The following BMP5 variants were observed in gnomAD, a reference collection of about 807,000 sequenced individuals.
BMP5 encodes bone morphogenetic protein 5.
BMP5 carries 23 observed loss-of-function variants against 46.6 expected under a neutral mutation model. The ratio of observed to expected loss-of-function variants is 0.49; its 90% CI spans 0.35 to 0.70. The LOEUF is 0.70. BMP5 is among the 30% of genes least tolerant of loss of function. The pLI is 0.00. For missense variants in BMP5, 545 were observed against 565.6 expected (o/e 0.96, Z 0.37); for synonymous variants, 204 against 191.9 (o/e 1.06, Z -0.52).
rs758180093 is a variant in BMP5, at chr6:55,819,702, T to C, written c.636A>G (p.Glu212=). Residue 212 remains glutamate (E), a synonymous_variant, in exon 2 of 7, where the codon GAA becomes GAG. Transcript: ENST00000370830. ...TTTGATATATGCTAATCTTAATTGT[T>C]TCATTTTCAAATCGGTTGTTGCTCC... ...KDRSNNRFEN[E]TIKISIYQII... is the part of the protein sequence containing the mutation. The C allele has an allele frequency of 9.3e-6, 15 of 1,613,666 alleles. No homozygotes were observed. The South Asian group carries it at 1.5e-4, about 17-fold the overall frequency.
At chr6:55,782,180 A>G (rs1408210132) in intron 3 of BMP5, among the ~76,000 whole-genome samples, 1 of 152,154 alleles carries the variant, frequency 6.6e-6, no homozygotes, top group African/African-American at 2.4e-5. Context: ...TGGATATGAT[A>G]ATCACTTTGA....
chr6:55,790,621 A>T lies in BMP5; in HGVS notation c.832+3658T>A, dbSNP rs75635777. 5.8e-3 allele frequency among the ~76,000 whole-genome samples: 885 copies of T among 152,308 alleles called. 7 individuals carry two copies. The highest frequency in any genetic ancestry group is 0.02 in the African/African-American group (823 of 41,564). ...TTGTTCTAGCCAATCCTGGACTGTTAAATTTTTCCAGAATATACCACGCCA... is the reference window on the plus strand; with the variant it reads ...TTGTTCTAGCCAATCCTGGACTGTTTAATTTTTCCAGAATATACCACGCCA... On this transcript the variant is annotated intron_variant, in intron 3 of 6. Transcript: ENST00000370830.
chr6:55,824,042 C>A (rs1016173522), intron 1 of BMP5, among the ~76,000 whole-genome samples: 1 of 151,786 alleles, frequency 6.6e-6, no homozygotes, highest in Admixed American at 6.6e-5. Flanking sequence ...CATACCCAAC[C>A]TTTTATTTAC....
intron 2 of BMP5, among the ~76,000 whole-genome samples, chr6:55,809,339 C>T (rs1417943633): frequency 1.3e-5 from 2 of 152,020 alleles, no homozygotes; most frequent in African/African-American, 4.8e-5. Flanking sequence ...TATGCAATTA[C>T]AAATGTAAAA....
At chr6:55,865,496 G>A in intron 1 of BMP5, 2 of 460,762 alleles carry the variant, frequency 4.3e-6, no homozygotes, top group South Asian at 3.1e-5. Flanking sequence ...TCCGTCTCAT[G>A]AAGGCTCTGA....
At chr6:55,784,435 T>C (rs1003321559) in intron 3 of BMP5, among the ~76,000 whole-genome samples, 1 of 151,800 alleles carries the variant, frequency 6.6e-6, no homozygotes, top group Non-Finnish European at 1.5e-5. Flanking sequence ...CTATAATCAA[T>C]AACTATAAAG....
chr6:55,809,845 A>G (rs780138899), intron 2 of BMP5, among the ~76,000 whole-genome samples: 4 of 152,150 alleles, frequency 2.6e-5, no homozygotes, highest in Admixed American at 2.6e-4. Flanking sequence ...CTTTATTTTC[A>G]TAAAGTACAA....
intron 1 of BMP5, among the ~76,000 whole-genome samples, chr6:55,830,158 T>G (rs1376150394): frequency 6.6e-6 from 1 of 152,124 alleles, no homozygotes; most frequent in South Asian, 2.1e-4. Flanking sequence ...GTGAGTTATA[T>G]GAATCAATGT....
intron 1 of BMP5, among the ~76,000 whole-genome samples, chr6:55,825,622 C>A (rs2127540530): frequency 6.6e-6 from 1 of 151,464 alleles, no homozygotes; most frequent in East Asian, 1.9e-4. Flanking sequence ...TTTTTCCTCC[C>A]AAGCAGATAT....
At position 55,754,591 on chromosome 6, in the gene BMP5, A is replaced by G. The variant is rs1315425914; in HGVS notation, c.*942T>C. ...CATCAATCAGCAAACTCAGTTATAA[A>G]GGAGAGCTAAAGAAAATGGTTCTTT... On this transcript the variant is annotated 3_prime_UTR_variant, in exon 7 of 7. Transcript: ENST00000370830. The G allele has an allele frequency of 3.3e-5, 5 of 151,956 alleles. No individual in the cohort carries two copies. The highest frequency in any genetic ancestry group is 1.5e-5 in the Non-Finnish European group (1 of 67,924). 9.4% of individuals were successfully genotyped at this position (151,956 alleles called of 1,614,324 possible). A position where few individuals can be genotyped will look rare whatever the true frequency, so the allele number is the denominator to read the frequency against.
At chr6:55,772,656 T>C in intron 4 of BMP5, 2 of 666,378 alleles carry the variant, frequency 3.0e-6, no homozygotes, top group Non-Finnish European at 3.7e-6. Context: ...CTTGTGAATA[T>C]CTTTAAAAAA....
chr6:55,754,450 T>C lies in BMP5; in HGVS notation c.*1083A>G, dbSNP rs1454786202. On this transcript the variant is annotated 3_prime_UTR_variant, in exon 7 of 7. Transcript: ENST00000370830. The stretch of plus-strand genomic sequence containing the variant: ...AGCTCACTCTCAAAGATATGAAAAA[T>C]GAATTTCAGCTGTTCTTTAGAAATG... The C allele has an allele frequency of 6.6e-6, 1 of 151,940 alleles. No individual in the cohort carries two copies. The highest frequency in any genetic ancestry group is 1.5e-5 in the Non-Finnish European group (1 of 67,924). The allele number at this position is 151,940 out of a possible 1,614,324, so 9.4% of individuals were successfully genotyped here.
In BMP5 at chr6:55,807,902, C is replaced by T. The variant is rs1184820216; in HGVS notation, c.683+11753G>A. 7.2e-5 allele frequency among the ~76,000 whole-genome samples: 11 copies of T among 152,266 alleles called. No homozygotes were observed. The East Asian group carries it at 7.7e-4, about 11-fold the overall frequency. On this transcript the variant is annotated intron_variant, in intron 2 of 6. Coordinates refer to ENST00000370830, the MANE Select transcript of BMP5 (RefSeq NM_021073.4). Reference sequence around the variant, plus strand: ...TATACTGACATGATGCCAGTAGGAACGCTCCTGTATAGGGTGTCTGATGAT... The same window carrying T: ...TATACTGACATGATGCCAGTAGGAATGCTCCTGTATAGGGTGTCTGATGAT...
At chr6:55,820,601 A>G (rs1162690280) in intron 1 of BMP5, among the ~76,000 whole-genome samples, 1 of 151,848 alleles carries the variant, frequency 6.6e-6, no homozygotes, top group African/African-American at 2.4e-5. Flanking sequence ...TATTTTTTGT[A>G]GGGGCAGGGT....
intron 1 of BMP5, among the ~76,000 whole-genome samples, chr6:55,866,538 G>T (rs1428521193): frequency 6.6e-6 from 1 of 152,072 alleles, no homozygotes; most frequent in African/African-American, 2.4e-5. Context: ...ATCTCAGGAG[G>T]TATGGCATAC....
At chr6:55,773,857 C>G (rs1775104397) in intron 4 of BMP5, among the ~76,000 whole-genome samples, 192 bp downstream of exon 4, 1 of 151,844 alleles carries the variant, frequency 6.6e-6, no homozygotes, top group Non-Finnish European at 1.5e-5. Context: ...ATGAAGGCAA[C>G]TCATATGTAT....
At chr6:55,808,964 G>A (rs1003576182) in intron 2 of BMP5, among the ~76,000 whole-genome samples, 2 of 152,130 alleles carry the variant, frequency 1.3e-5, no homozygotes, top group Non-Finnish European at 2.9e-5. Context: ...GTACCTTCAT[G>A]AATCTAGGAA....
intron 1 of BMP5, among the ~76,000 whole-genome samples, chr6:55,837,184 T>C (rs374353905): frequency 1.3e-5 from 2 of 152,120 alleles, no homozygotes; most frequent in African/African-American, 4.8e-5. Context: ...CCCGAGTAGC[T>C]GGAACTATGG....
At chr6:55,778,144 G>C (rs1775222682) in intron 3 of BMP5, among the ~76,000 whole-genome samples, 1 of 151,998 alleles carries the variant, frequency 6.6e-6, no homozygotes, top group African/African-American at 2.4e-5. Context: ...CCAGTAATGG[G>C]ATAAAGTGGC....
Sources: gnomAD v4.1 joint callset for allele counts (sites outside exome capture counted in the v4.1 genomes callset) on GRCh38, gnomAD v4.1.1 for gene constraint, MANE v1.5 for transcripts, NCBI Gene and HGNC (gene_info 2026-07-23, HGNC 2026-07-21) for gene names.